EXOC6B: variants seen among roughly 807,000 people sequenced by gnomAD.
The protein encoded by EXOC6B is SEC15 homolog B.
Under a neutral mutation model 113.5 loss-of-function variants are expected in EXOC6B, and 54 were observed. The observed-to-expected ratio is 0.48, with a 90% CI of 0.38 to 0.60. The LOEUF (loss-of-function observed/expected upper bound fraction) is 0.60, where lower values mean the gene tolerates loss of function less well. EXOC6B is among the 20% of genes least tolerant of loss of function. The probability of loss-of-function intolerance (pLI) is 0.00; values close to 1 mark genes in which losing one functional copy is unlikely to be tolerated. For synonymous variants in EXOC6B, 357 were observed against 339.0 expected, an observed-to-expected ratio of 1.05 and a Z score of -0.58; for missense variants, 797 against 977.5, an observed-to-expected ratio of 0.82 and a Z score of 2.46.
intron 16 of EXOC6B, among the ~76,000 whole-genome samples, chr2:72,486,240 A>G (rs562804638): frequency 2.0e-5 from 3 of 152,136 alleles, no homozygotes; most frequent in African/African-American, 7.2e-5. Flanking sequence ...GTGGTGGCAC[A>G]TGCCTGTAAT....
intron 20 of EXOC6B, among the ~76,000 whole-genome samples, chr2:72,245,926 C>A (rs1682626050): frequency 6.6e-6 from 1 of 152,160 alleles, no homozygotes; most frequent in African/African-American, 2.4e-5. Context: ...ATTTAAAAAA[C>A]AAAAATCATT....
intron 20 of EXOC6B, among the ~76,000 whole-genome samples, chr2:72,195,582 G>T (rs1031077922): frequency 6.6e-6 from 1 of 152,116 alleles, no homozygotes; most frequent in African/African-American, 2.4e-5. Context: ...CTATATTATT[G>T]AGTTGTTAAC....
intron 19 of EXOC6B, among the ~76,000 whole-genome samples, chr2:72,374,735 C>G (rs1018053217): frequency 2.0e-5 from 3 of 150,746 alleles, no homozygotes; most frequent in Non-Finnish European, 4.4e-5. Flanking sequence ...ACAGATATTC[C>G]ATTTTTCATG....
chr2:72,344,556 G>GA (rs1480780154), intron 19 of EXOC6B, among the ~76,000 whole-genome samples: 3 of 151,580 alleles, frequency 2.0e-5, no homozygotes, highest in Admixed American at 2.0e-4. Flanking sequence ...GGCAACTTTG[G>GA]AAAAAAAATT....
intron 6 of EXOC6B, among the ~76,000 whole-genome samples, chr2:72,654,199 T>A (rs1274466728): frequency 6.6e-6 from 1 of 152,200 alleles, no homozygotes; most frequent in African/African-American, 2.4e-5. Flanking sequence ...CTCGATCTCC[T>A]GACCTTGTGA....
chr2:72,392,744 T>C (rs1212803950), intron 18 of EXOC6B, among the ~76,000 whole-genome samples: 1 of 152,244 alleles, frequency 6.6e-6, no homozygotes, highest in Non-Finnish European at 1.5e-5. Flanking sequence ...AGTTAAATTA[T>C]TGATGGATTA....
intron 8 of EXOC6B, among the ~76,000 whole-genome samples, chr2:72,544,089 A>G (rs1339588764): frequency 2.6e-5 from 4 of 152,222 alleles, no homozygotes; most frequent in African/African-American, 4.8e-5. Context: ...GTTGTGAAAT[A>G]GCAGATGAAT....
At chr2:72,708,780 A>T (rs1333562568) in intron 6 of EXOC6B, among the ~76,000 whole-genome samples, 1 of 152,032 alleles carries the variant, frequency 6.6e-6, no homozygotes, top group Non-Finnish European at 1.5e-5. Context: ...CCCAGGCTGG[A>T]CTACACTGCT....
At chr2:72,621,779 T>C (rs1439830814) in intron 6 of EXOC6B, among the ~76,000 whole-genome samples, 1 of 152,192 alleles carries the variant, frequency 6.6e-6, no homozygotes, top group Admixed American at 6.5e-5. Context: ...CAGATACATA[T>C]AGAATAATCA....
At chr2:72,536,117 G>A (rs1246871122) in intron 8 of EXOC6B, among the ~76,000 whole-genome samples, 1 of 152,118 alleles carries the variant, frequency 6.6e-6, no homozygotes, top group Non-Finnish European at 1.5e-5. Context: ...AAGATACATT[G>A]CTGATGCATG....
At chr2:72,194,721 C>T (rs943295082) in intron 20 of EXOC6B, among the ~76,000 whole-genome samples, 1 of 152,034 alleles carries the variant, frequency 6.6e-6, no homozygotes, top group Non-Finnish European at 1.5e-5. Flanking sequence ...GAGGTGTCTA[C>T]GGATTCACAG....
chr2:72,536,503 T>A lies in EXOC6B; in HGVS notation c.916-21377A>T, dbSNP rs550293106. On this transcript the variant is annotated intron_variant, in intron 8 of 21. Transcript: ENST00000272427. ...TTTAAATATCTTACCATCACTTTTT[T>A]AAAATTGTAAAGGTTTTTGTTGATA... 1.9e-3 allele frequency among the ~76,000 whole-genome samples: 293 copies of A among 152,342 alleles called. 1 individual carries two copies. Among genetic ancestry groups the A allele is most frequent in the African/African-American group, 6.5e-3 (272 of 41,580 alleles).
intron 1 of EXOC6B, among the ~76,000 whole-genome samples, chr2:72,743,557 C>T (rs980923818): frequency 2.0e-5 from 3 of 152,058 alleles, no homozygotes; most frequent in Non-Finnish European, 4.4e-5. Context: ...TCCTCCTCAC[C>T]GTCCATGATA....
chr2:72,457,844 T>A (rs546888422), intron 18 of EXOC6B, among the ~76,000 whole-genome samples: 1 of 152,078 alleles, frequency 6.6e-6, no homozygotes, highest in Non-Finnish European at 1.5e-5. Context: ...TCACAAAAAC[T>A]TCAAGGGAAA....
intron 20 of EXOC6B, among the ~76,000 whole-genome samples, chr2:72,240,149 C>A (rs866789042): frequency 4.6e-5 from 7 of 152,060 alleles, no homozygotes; most frequent in African/African-American, 1.7e-4. Flanking sequence ...TCTGCCTTTC[C>A]AATCTGAATG....
At chr2:72,236,395 T>C (rs1464878570) in intron 20 of EXOC6B, among the ~76,000 whole-genome samples, 1 of 152,138 alleles carries the variant, frequency 6.6e-6, no homozygotes, top group African/African-American at 2.4e-5. Context: ...CAAAGAGAAA[T>C]AGAAAAATCA....
chr2:72,247,986 C>T (rs1682775044), intron 20 of EXOC6B, among the ~76,000 whole-genome samples: 1 of 152,114 alleles, frequency 6.6e-6, no homozygotes, highest in African/African-American at 2.4e-5. Context: ...CCTGAGGAGG[C>T]TTTCACCAAA....
intron 20 of EXOC6B, among the ~76,000 whole-genome samples, chr2:72,240,960 G>A (rs1682275588): frequency 6.6e-6 from 1 of 151,992 alleles, no homozygotes; most frequent in South Asian, 2.1e-4. Flanking sequence ...ACATTTTACT[G>A]GAGCAGAAAC....
intron 20 of EXOC6B, among the ~76,000 whole-genome samples, chr2:72,261,342 C>T (rs1045281901): frequency 3.3e-5 from 5 of 152,120 alleles, no homozygotes; most frequent in African/African-American, 9.7e-5. Flanking sequence ...AAACAACATG[C>T]CTTATCTATT....
Sources: gnomAD v4.1 joint callset for allele counts (sites outside exome capture counted in the v4.1 genomes callset) on GRCh38, gnomAD v4.1.1 for gene constraint, MANE v1.5 for transcripts, NCBI Gene and HGNC (gene_info 2026-07-23, HGNC 2026-07-21) for gene names.